GAPVD1: variants seen among roughly 807,000 people sequenced by gnomAD.
GAPVD1 encodes the protein GTPase activating protein and VPS9 domains 1.
GAPVD1 carries 35 observed loss-of-function variants against 155.5 expected under a neutral mutation model. The ratio of observed to expected loss-of-function variants is 0.23; its 90% CI spans 0.17 to 0.30. GAPVD1 has a LOEUF of 0.30. GAPVD1 is among the 10% of genes least tolerant of loss of function. The pLI is 1.00. For synonymous variants in GAPVD1, 636 were observed against 619.7 expected (o/e 1.03, Z -0.39); for missense variants, 1,429 against 1,775.7 (o/e 0.80, Z 3.51).
intron 23 of GAPVD1, among the ~76,000 whole-genome samples, chr9:125,354,274 G>C (rs867248622): frequency 4.6e-5 from 7 of 152,176 alleles, no homozygotes; most frequent in Non-Finnish European, 2.9e-5. Context: ...ACCTGTATTT[G>C]TTGTTATTGT....
At chr9:125,336,939 T>G in intron 15 of GAPVD1, 79 bp from the exon 16 acceptor site, 1 of 775,278 alleles carries the variant, frequency 1.3e-6, no homozygotes, top group Non-Finnish European at 2.2e-6. Flanking sequence ...CGTCAAAGAA[T>G]ACTTAAAACC....
chr9:125,360,425 G>A (rs374870314), intron 26 of GAPVD1, 103 bp from the exon 27 acceptor site: 8 of 833,408 alleles, frequency 9.6e-6, no homozygotes, highest in East Asian at 5.0e-5. Context: ...AGAGGAAAAA[G>A]CAACCACATT....
intron 2 of GAPVD1, among the ~76,000 whole-genome samples, chr9:125,287,131 C>T (rs1728752150): frequency 6.6e-6 from 1 of 151,940 alleles, no homozygotes; most frequent in Admixed American, 6.6e-5. Flanking sequence ...GATTTATTGC[C>T]ATGTGCATAC....
At chr9:125,361,375 T>C (rs1390306519) in intron 27 of GAPVD1, among the ~76,000 whole-genome samples, 1 of 152,012 alleles carries the variant, frequency 6.6e-6, no homozygotes, top group East Asian at 1.9e-4. Context: ...TCATCTCTAC[T>C]AAAAATACAA....
intron 23 of GAPVD1, among the ~76,000 whole-genome samples, chr9:125,352,696 A>G (rs1229992526): frequency 6.6e-6 from 1 of 152,240 alleles, no homozygotes; most frequent in Non-Finnish European, 1.5e-5. Flanking sequence ...TCAGCTCCTC[A>G]TTACTTATGC....
rs1841574913 is a variant in GAPVD1, at chr9:125,305,164, G to T, written c.1116+15G>T. On this transcript the variant is annotated intron_variant, in intron 6 of 27. Transcript: ENST00000297933. ...AGTTTGACAAAGTAAGAATAAATAT[G>T]ATTTATAGAAAATTCTGAAGTATTA... 1 of 1,557,330 alleles carries T rather than the reference G, an allele frequency of 6.4e-7. No individual in the cohort carries two copies. The highest frequency in any genetic ancestry group is 1.4e-5 in the African/African-American group (1 of 73,566).
chr9:125,312,569 G>C lies in GAPVD1; in HGVS notation c.1559G>C (p.Gly520Ala), dbSNP rs762454238. The change falls in exon 9 of 28, where the codon GGT becomes GCT. Residue 520 changes from glycine to alanine, a missense_variant. Coordinates refer to ENST00000297933, the MANE Select transcript of GAPVD1 (RefSeq NM_001282680.3). ...GAAGAGGTGTTGGTCATTTCCTTAGGTACAGGTCCCCAGCTTACTCCAGGG... is the reference window on the plus strand; with the variant it reads ...GAAGAGGTGTTGGTCATTTCCTTAGCTACAGGTCCCCAGCTTACTCCAGGG... Reference protein sequence around the residue: ...QPEEVLVISLGTGPQLTPGMM... With the variant: ...QPEEVLVISLATGPQLTPGMM... 2.5e-6 allele frequency: 4 copies of C among 1,602,642 alleles called. No homozygotes were observed. The highest frequency in any genetic ancestry group is 3.4e-6 in the Non-Finnish European group (4 of 1,176,866).
chr9:125,308,029 C>T (rs1404940196), intron 8 of GAPVD1, 149 bp downstream of exon 8: 25 of 643,232 alleles, frequency 3.9e-5, no homozygotes, highest in East Asian at 5.4e-5. Context: ...TTTTAGAAAT[C>T]GTATCAGATT....
chr9:125,287,343 G>T (rs1025819394), intron 2 of GAPVD1, among the ~76,000 whole-genome samples: 1 of 152,132 alleles, frequency 6.6e-6, no homozygotes, highest in African/African-American at 2.4e-5. Context: ...TTTGAGACCA[G>T]CTTCTACAAC....
intron 12 of GAPVD1, among the ~76,000 whole-genome samples, chr9:125,327,920 C>G (rs1588969177): frequency 6.6e-6 from 1 of 152,170 alleles, no homozygotes; most frequent in East Asian, 1.9e-4. Flanking sequence ...ATCTGTTCTC[C>G]TATCCACTAC....
In GAPVD1 at chr9:125,350,363, A is replaced by G. The variant is rs1328358232; in HGVS notation, c.3368A>G (p.His1123Arg). ...TCTGTTGCCTTCCCAGTGCTGACCC[A>G]TTCAACAAGGAATGGTTTACCAGAC... ...ADSVAFPVLT[H>R]STRNGLPDHT... Residue 1123 changes from histidine to arginine, a missense_variant, in exon 22 of 28, where the codon CAT becomes CGT. By Grantham distance (29) the His-to-Arg change is conservative (BLOSUM62 0). Around this residue, in one of 4 missense-constraint regions of GAPVD1, gnomAD observed 699 missense variants for 826.0 expected, o/e 0.85. Transcript: ENST00000297933. 1.9e-6 allele frequency: 3 copies of G among 1,609,206 alleles called. No individual in the cohort carries two copies. The South Asian group carries it at 3.3e-5, about 18-fold the overall frequency.
chr9:125,326,724 T>C (rs569219733), intron 12 of GAPVD1, 135 bp downstream of exon 12: 5 of 630,412 alleles, frequency 7.9e-6, no homozygotes, highest in Non-Finnish European at 1.1e-5. Flanking sequence ...TATAACTGTA[T>C]GGAACAAGGC....
At chr9:125,333,485 C>CTTTT (rs36083522) in intron 15 of GAPVD1, among the ~76,000 whole-genome samples, 6 of 124,360 alleles carry the variant, frequency 4.8e-5, no homozygotes, top group Non-Finnish European at 8.6e-5. Flanking sequence ...TACCTTTTGT[C>CTTTT]TTTTTTTTTT....
At chr9:125,344,838 G>A (rs1006975244) in intron 19 of GAPVD1, among the ~76,000 whole-genome samples, 9 of 149,580 alleles carry the variant, frequency 6.0e-5, no homozygotes, top group Admixed American at 4.7e-4. Flanking sequence ...TAGCCACAAC[G>A]TACTTCCCCT....
intron 1 of GAPVD1, among the ~76,000 whole-genome samples, chr9:125,263,220 C>T (rs191459492): frequency 2.0e-5 from 3 of 152,302 alleles, no homozygotes; most frequent in African/African-American, 4.8e-5. Context: ...GAGGCCGAGG[C>T]GGGCGGATCA....
intron 12 of GAPVD1, among the ~76,000 whole-genome samples, chr9:125,327,759 C>T (rs915059065): frequency 1.3e-5 from 2 of 152,194 alleles, no homozygotes; most frequent in African/African-American, 4.8e-5. Context: ...CCGCCTCGGC[C>T]TCCCAAAGTG....
At chr9:125,339,128 T>C (rs1263288954) in intron 17 of GAPVD1, among the ~76,000 whole-genome samples, 1 of 152,100 alleles carries the variant, frequency 6.6e-6, no homozygotes. Context: ...AGTATAGGCA[T>C]GCACCACATG....
chr9:125,331,453 G>A (rs1438335283), intron 13 of GAPVD1, among the ~76,000 whole-genome samples: 5 of 152,186 alleles, frequency 3.3e-5, no homozygotes, highest in East Asian at 1.9e-4. Flanking sequence ...TGCCGGCCTC[G>A]ACCTCCCAAA....
In GAPVD1 at chr9:125,362,731, C is replaced by T. The variant is rs201112387; in HGVS notation, c.4368C>T (p.Ile1456=). 16 of 1,613,292 alleles carry T rather than the reference C, an allele frequency of 9.9e-6. No individual in the cohort carries two copies. Among genetic ancestry groups the T allele is most frequent in the Middle Eastern group, 1.6e-4 (1 of 6,062 alleles). ...FTAAVEFIKT[I]DDRK ...CAGCAGTAGAATTCATTAAAACCAT[C>T]GATGACCGAAAGTGACCAAGACCAA... is the stretch of plus-strand genomic sequence containing the variant. Residue 1456 remains isoleucine (I), a synonymous_variant, in exon 28 of 28, where the codon ATC becomes ATT. Transcript: ENST00000297933.
Sources: allele counts gnomAD v4.1 joint callset (sites outside exome capture counted in the v4.1 genomes callset), GRCh38; gene constraint gnomAD v4.1.1; regional missense constraint gnomAD v4.1.1; transcripts MANE v1.5; gene names NCBI Gene and HGNC (gene_info 2026-07-23, HGNC 2026-07-21).